The following ANAPC7 variants were observed in gnomAD, a reference collection of about 807,000 sequenced individuals.
ANAPC7 encodes anaphase promoting complex subunit 7, also known as anaphase-promoting complex subunit 7.
ANAPC7 carries 25 observed loss-of-function variants against 63.3 expected under a neutral mutation model. The ratio of observed to expected loss-of-function variants is 0.39; its 90% CI spans 0.29 to 0.55. The LOEUF is 0.55. ANAPC7 is among the 20% of genes least tolerant of loss of function. The pLI, the probability that ANAPC7 is intolerant of heterozygous loss-of-function variation, is 0.57. For missense variants in ANAPC7, 516 were observed against 691.7 expected, an observed-to-expected ratio of 0.75 and a Z score of 2.85; for synonymous variants, 241 against 251.7, an observed-to-expected ratio of 0.96 and a Z score of 0.40.
At chr12:110,395,945 G>C (rs116491199) in intron 2 of ANAPC7, among the ~76,000 whole-genome samples, 218 of 152,256 alleles carry the variant, frequency 1.4e-3, no homozygotes, top group African/African-American at 5.0e-3. Context: ...CCACAGATGG[G>C]GGGTGAGGGG....
chr12:110,403,683 A>G lies in ANAPC7; in HGVS notation c.-56T>C. On this transcript the variant is annotated 5_prime_UTR_variant, in exon 1 of 11. Transcript: ENST00000455511. ...CAGCACTGACTCGAAAAGCCGGTAG[A>G]GGATCCTTAGGGAAGACTCCAAAAT... The G allele has an allele frequency of 6.4e-7, 1 of 1,554,484 alleles. No individual in the cohort carries two copies. Among genetic ancestry groups the G allele is most frequent in the Non-Finnish European group, 8.7e-7 (1 of 1,148,502 alleles).
At chr12:110,384,870 C>A (rs2137944457) in intron 6 of ANAPC7, among the ~76,000 whole-genome samples, 1 of 152,246 alleles carries the variant, frequency 6.6e-6, no homozygotes, top group East Asian at 1.9e-4. Context: ...GAGTTCTAGA[C>A]CATCAGAAAT....
chr12:110,402,793 T>A (rs547093419), intron 1 of ANAPC7, among the ~76,000 whole-genome samples: 1 of 151,852 alleles, frequency 6.6e-6, no homozygotes, highest in East Asian at 1.9e-4. Context: ...TAAAGGACAA[T>A]GATGCGATCA....
rs1353449275 is a variant in ANAPC7, at chr12:110,382,923, C to A, written c.855G>T (p.Gly285=). The change falls in exon 7 of 11, where the codon GGG becomes GGT. Residue 285 remains glycine (G), a synonymous_variant. Transcript: ENST00000455511. ...DVYGYLLARE[G]RLEDVENLGC... is the part of the protein sequence containing the mutation. Reference sequence around the variant, plus strand: ...CAAGGTTCTCAACATCCTCTAGCCGCCCTTCTCGTGCCAGTAGGTAGCCAT... The same window carrying A: ...CAAGGTTCTCAACATCCTCTAGCCGACCTTCTCGTGCCAGTAGGTAGCCAT... 1 of 1,613,812 alleles carries A rather than the reference C, an allele frequency of 6.2e-7. No homozygotes were observed. Among genetic ancestry groups the A allele is most frequent in the Admixed American group, 1.7e-5 (1 of 59,966 alleles).
In ANAPC7 at chr12:110,377,603, A is replaced by G. The variant is rs1592893559; in HGVS notation, c.1147T>C (p.Tyr383His). The change falls in exon 9 of 11, where the codon TAC (tyrosine) becomes CAC (histidine). Residue 383 changes from tyrosine to histidine, a missense_variant. This residue lies in a region of ANAPC7 where 199 missense variants were observed against 249.3 expected (regional missense o/e 0.80). Coordinates refer to ENST00000455511, the MANE Select transcript of ANAPC7 (RefSeq NM_016238.3). Reference protein sequence around the residue: ...LDCYEGLIECYLASNSIREAM... With the variant: ...LDCYEGLIECHLASNSIREAM... ...TCTCGAATACTGTTGGAGGCTAAGT[A>G]ACATTCGATAAGACCTGAAAAAAGT... 5.6e-6 allele frequency: 9 copies of G among 1,614,224 alleles called. No homozygotes were observed. The highest frequency in any genetic ancestry group is 7.6e-6 in the Non-Finnish European group (9 of 1,180,036).
intron 3 of ANAPC7, among the ~76,000 whole-genome samples, chr12:110,393,327 T>G (rs1199559368): frequency 6.6e-6 from 1 of 152,204 alleles, no homozygotes; most frequent in Non-Finnish European, 1.5e-5. Flanking sequence ...TGCAAATAAA[T>G]CATTATTTCC....
chr12:110,403,402 A>G (rs148822220), intron 1 of ANAPC7, 125 bp downstream of exon 1: 32,624 of 1,062,438 alleles, frequency 0.031, 652 homozygotes, highest in Middle Eastern at 0.072. Flanking sequence ...GCCCTCGCAG[A>G]CCCCGGAGCC....
chr12:110,403,697 A>C lies in ANAPC7; in HGVS notation c.-70T>G, dbSNP rs748741438. 1 of 1,552,398 alleles carries C rather than the reference A, an allele frequency of 6.4e-7. No individual in the cohort carries two copies. The highest frequency in any genetic ancestry group is 8.7e-7 in the Non-Finnish European group (1 of 1,147,546). On this transcript the variant is annotated 5_prime_UTR_variant, in exon 1 of 11. Transcript: ENST00000455511. ...AAAGCCGGTAGAGGATCCTTAGGGA[A>C]GACTCCAAAATGGCGGCGTCGCCGG...
At chr12:110,396,481 C>T (rs1474947139) in intron 1 of ANAPC7, 29 bp from the exon 2 acceptor site, 1 of 1,515,418 alleles carries the variant, frequency 6.6e-7, no homozygotes, top group African/African-American at 1.4e-5. Context: ...TGTAATACAT[C>T]TTTTCCTCCC....
chr12:110,396,446 T>A lies in ANAPC7; in HGVS notation c.108A>T (p.Leu36Phe). The A allele has an allele frequency of 6.2e-7, 1 of 1,600,406 alleles. No individual in the cohort carries two copies. The highest frequency in any genetic ancestry group is 8.5e-7 in the Non-Finnish European group (1 of 1,175,704). Residue 36 changes from leucine (L) to phenylalanine (F), a missense_variant, in exon 2 of 11, where the codon TTA (leucine) becomes TTT (phenylalanine). Coordinates refer to ENST00000455511, the MANE Select transcript of ANAPC7 (RefSeq NM_016238.3). ...GCTGGTACTTCTGAGGTGGGGAGAATAACTCACTAGAAAACAAGAGAAAAT... is the reference window on the plus strand; with the variant it reads ...GCTGGTACTTCTGAGGTGGGGAGAAAAACTCACTAGAAAACAAGAGAAAAT... Reference protein sequence around the residue: ...LLTMSNNNPELFSPPQKYQLL... With the variant: ...LLTMSNNNPEFFSPPQKYQLL...
In ANAPC7 at chr12:110,380,650, C is replaced by CAA. The variant is rs34812107; in HGVS notation, c.1132+1100_1132+1101dup. Among the ~76,000 whole-genome samples the CAA allele has an allele frequency of 4.2e-3, 241 of 56,972 alleles. 1 individual carries two copies. The highest frequency in any genetic ancestry group is 6.4e-3 in the Non-Finnish European group (175 of 27,266). 37.4% of individuals were successfully genotyped at this position (56,972 alleles called of 152,430 possible). A position where few individuals can be genotyped will look rare whatever the true frequency, so the allele number is the denominator to read the frequency against. On this transcript the variant is annotated intron_variant, in intron 8 of 10. Transcript: ENST00000455511. ...TGGGTGACAGGGCGAGACTCTGTCT[C>CAA]AAAAAAAAAAAAAAAAAACAGGACC...
Position 110,395,219 on chromosome 12 carries a change from C to CTTT in ANAPC7, c.289_290insAAA (p.Cys97delinsTer). ...TTTCACTTCAATTTCAGATGGAAGACACTAAAAGACAATGGAAATATTTCT... is the reference window on the plus strand; with the variant it reads ...TTTCACTTCAATTTCAGATGGAAGACTTTACTAAAAGACAATGGAAATATTTCT... On this transcript the variant is annotated stop_gained and splice_region_variant, in exon 3 of 11. Coordinates refer to ENST00000455511, the MANE Select transcript of ANAPC7 (RefSeq NM_016238.3). LOFTEE classifies it high-confidence loss of function. The CTTT allele has an allele frequency of 6.2e-7, 1 of 1,604,890 alleles. No individual in the cohort carries two copies. Among genetic ancestry groups the CTTT allele is most frequent in the Non-Finnish European group, 8.5e-7 (1 of 1,176,348 alleles).
At chr12:110,386,203 AG>A (rs1882434736) in intron 6 of ANAPC7, 123 bp downstream of exon 6, 1 of 1,372,752 alleles carries the variant, frequency 7.3e-7, no homozygotes, top group Non-Finnish European at 1.0e-6. Flanking sequence ...GTAAAAGACT[AG>A]TATAAGTTTT....
intron 10 of ANAPC7, 59 bp downstream of exon 10, chr12:110,376,007 A>G: frequency 6.6e-7 from 1 of 1,515,416 alleles, no homozygotes; most frequent in African/African-American, 1.4e-5. Flanking sequence ...CCTGTGACAC[A>G]GCTCACTGCC....
chr12:110,382,477 T>A (rs1211216495), intron 7 of ANAPC7, among the ~76,000 whole-genome samples: 1 of 130,180 alleles, frequency 7.7e-6, no homozygotes, highest in Non-Finnish European at 1.6e-5. Context: ...TATATATATA[T>A]ATATATATAT....
chr12:110,390,329 C>T (rs1183688439), intron 3 of ANAPC7, among the ~76,000 whole-genome samples: 2 of 152,188 alleles, frequency 1.3e-5, no homozygotes, highest in Non-Finnish European at 2.9e-5. Flanking sequence ...CCACCTCGGC[C>T]TCCCAAAGTG....
chr12:110,396,527 T>TG lies in ANAPC7; in HGVS notation c.102-76_102-75insC, dbSNP rs903962388. 1.1e-5 allele frequency: 13 copies of TG among 1,188,928 alleles called. No individual in the cohort carries two copies. In the African/African-American group the frequency reaches 2.0e-4, roughly 19 times the overall value. 73.6% of individuals were successfully genotyped at this position (1,188,928 alleles called of 1,614,324 possible). ...AGCTCCCCCAGCTTCTTTTTTTTTT[T>TG]TGAAATAGATTCTCACTCTGTCACC... On this transcript the variant is annotated intron_variant, in intron 1 of 10. Coordinates refer to ENST00000455511, the MANE Select transcript of ANAPC7 (RefSeq NM_016238.3).
intron 7 of ANAPC7, among the ~76,000 whole-genome samples, chr12:110,382,453 AAAAAAAAAATATATATATATAT>A (rs1021908279): frequency 2.8e-5 from 2 of 71,866 alleles, no homozygotes; most frequent in African/African-American, 1.1e-4. Flanking sequence ...AAAAAAAAAA[AAAAAAAAAATATATATATATAT>A]ATATATATAT....
At chr12:110,382,453 AAAAAAAAAAT>A (rs1313448157) in intron 7 of ANAPC7, among the ~76,000 whole-genome samples, 31 of 71,834 alleles carry the variant, frequency 4.3e-4, no homozygotes, top group African/African-American at 1.4e-3. Flanking sequence ...AAAAAAAAAA[AAAAAAAAAAT>A]ATATATATAT....
Sources: allele counts gnomAD v4.1 joint callset (sites outside exome capture counted in the v4.1 genomes callset), GRCh38; gene constraint gnomAD v4.1.1; regional missense constraint gnomAD v4.1.1; transcripts MANE v1.5; gene names NCBI Gene and HGNC (gene_info 2026-07-23, HGNC 2026-07-21).